ARHGEF28: variants seen among roughly 807,000 people sequenced by gnomAD.
ARHGEF28 encodes Rho guanine nucleotide exchange factor 28.
In ARHGEF28, 152 loss-of-function variants were observed where a neutral mutation model predicts 206.6. The observed-to-expected ratio is 0.74, with a 90% CI of 0.64 to 0.84. The LOEUF is 0.84. Among genes scored for constraint, ARHGEF28 ranks in the 40% least tolerant of loss-of-function variants. ARHGEF28 has a pLI of 0.00. For synonymous variants in ARHGEF28, 763 were observed against 776.4 expected, an observed-to-expected ratio of 0.98 and a Z score of 0.29; for missense variants, 2,028 against 2,073.2, an observed-to-expected ratio of 0.98 and a Z score of 0.42.
rs936184070 is a variant in ARHGEF28, at chr5:73,867,759, G to A, written c.2153-117G>A. 5.2e-6 allele frequency: 7 copies of A among 1,346,908 alleles called. No individual in the cohort carries two copies. The African/African-American group carries it at 8.6e-5, about 17-fold the overall frequency. 83.4% of individuals were successfully genotyped at this position (1,346,908 alleles called of 1,614,324 possible). On this transcript the variant is annotated intron_variant, in intron 18 of 35. Coordinates refer to ENST00000513042, the MANE Select transcript of ARHGEF28 (RefSeq NM_001177693.2). Reference sequence around the variant, plus strand: ...GCAGGGAGACTGGTTTTAAGGCAGAGCATGCATCAGATTACAAGTAGTCAT... The same window carrying A: ...GCAGGGAGACTGGTTTTAAGGCAGAACATGCATCAGATTACAAGTAGTCAT...
intron 7 of ARHGEF28, among the ~76,000 whole-genome samples, chr5:73,781,585 A>G (rs1293639439): frequency 6.6e-6 from 1 of 152,146 alleles, no homozygotes; most frequent in Non-Finnish European, 1.5e-5. Context: ...TAATAAACAG[A>G]AGTTTTCATT....
At chr5:73,674,474 G>C (rs1248848996) in intron 1 of ARHGEF28, among the ~76,000 whole-genome samples, 1 of 152,186 alleles carries the variant, frequency 6.6e-6, no homozygotes, top group East Asian at 1.9e-4. Context: ...AACATGCGAG[G>C]TCCCCTTATC....
In ARHGEF28 at chr5:73,846,447, T is replaced by G. The variant is rs772024433; in HGVS notation, c.1607T>G (p.Leu536Arg). Residue 536 changes from leucine (L) to arginine (R), a missense_variant, in exon 12 of 36, where the codon CTT becomes CGT. By Grantham distance (102) the Leu-to-Arg change is moderately radical. Transcript: ENST00000513042. ...PDFNISRAES[L>R]PLSSNLQSKE... The stretch of plus-strand genomic sequence containing the variant: ...TTTAATATCTCCAGGGCTGAATCCC[T>G]TCCTCTATCAAGTAATCTACAGTCG... 3.1e-6 allele frequency: 5 copies of G among 1,613,932 alleles called. No individual in the cohort carries two copies. In the Admixed American group the frequency reaches 5.0e-5, roughly 16 times the overall value.
At chr5:73,652,061 T>A (rs933736750) in intron 1 of ARHGEF28, among the ~76,000 whole-genome samples, 2 of 152,212 alleles carry the variant, frequency 1.3e-5, no homozygotes, top group African/African-American at 4.8e-5. Flanking sequence ...AAATTGAGGA[T>A]AAAAGTTTTG....
intron 1 of ARHGEF28, among the ~76,000 whole-genome samples, chr5:73,650,439 C>G (rs1230935031): frequency 6.6e-6 from 1 of 151,820 alleles, no homozygotes; most frequent in African/African-American, 2.4e-5. Context: ...CGCATGCCAC[C>G]ACACCCAGCT....
Position 73,632,025 on chromosome 5 carries a change from A to G in ARHGEF28, c.-12+5703A>G, listed in dbSNP as rs144449932. ...ACATCGTGACTGTAGCCCATTAATG[A>G]CAGGGACCCTGATTTAGGCTACTTT... is the stretch of plus-strand genomic sequence containing the variant. On this transcript the variant is annotated intron_variant, in intron 1 of 35. Transcript: ENST00000513042. Among the ~76,000 whole-genome samples the G allele has an allele frequency of 2.9e-3, 441 of 152,286 alleles. 1 individual carries two copies. The highest frequency in any genetic ancestry group is 9.9e-3 in the African/African-American group (413 of 41,542).
intron 35 of ARHGEF28, among the ~76,000 whole-genome samples, chr5:73,924,799 A>G (rs533503020): frequency 6.6e-6 from 1 of 152,306 alleles, no homozygotes; most frequent in East Asian, 1.9e-4. Flanking sequence ...TGCACTGTGA[A>G]TCTGCAGAAT....
intron 26 of ARHGEF28, 77 bp from the exon 27 acceptor site, chr5:73,891,975 T>C (rs1359118744): frequency 7.3e-7 from 1 of 1,369,600 alleles, no homozygotes; most frequent in Non-Finnish European, 9.9e-7. Context: ...TACTCTTGCT[T>C]CCTTTAGCTC....
intron 26 of ARHGEF28, 81 bp from the exon 27 acceptor site, chr5:73,891,971 T>C: frequency 7.5e-7 from 1 of 1,334,302 alleles, no homozygotes; most frequent in East Asian, 2.5e-5. Flanking sequence ...CTAGTACTCT[T>C]GCTTCCTTTA....
intron 4 of ARHGEF28, among the ~76,000 whole-genome samples, chr5:73,762,237 C>A (rs2112424446): frequency 6.6e-6 from 1 of 151,994 alleles, no homozygotes; most frequent in African/African-American, 2.4e-5. Context: ...GGGTGGATCA[C>A]TTGAGGTCAG....
At chr5:73,787,314 A>G (rs1754222490) in intron 7 of ARHGEF28, among the ~76,000 whole-genome samples, 1 of 152,200 alleles carries the variant, frequency 6.6e-6, no homozygotes, top group Non-Finnish European at 1.5e-5. Context: ...TTTTCCTAGA[A>G]GTAGGGTATT....
intron 24 of ARHGEF28, among the ~76,000 whole-genome samples, chr5:73,884,914 C>T (rs958067269): frequency 6.6e-6 from 1 of 152,090 alleles, no homozygotes; most frequent in African/African-American, 2.4e-5. Flanking sequence ...GCTGATTTGT[C>T]CGTTAGCACA....
At chr5:73,692,189 A>G (rs1747873011) in intron 2 of ARHGEF28, among the ~76,000 whole-genome samples, 1 of 152,142 alleles carries the variant, frequency 6.6e-6, no homozygotes, top group Non-Finnish European at 1.5e-5. Context: ...CATTTCTCAA[A>G]TTCTGACTAA....
At chr5:73,800,054 A>G (rs1418074686) in intron 9 of ARHGEF28, among the ~76,000 whole-genome samples, 1 of 152,220 alleles carries the variant, frequency 6.6e-6, no homozygotes, top group Non-Finnish European at 1.5e-5. Context: ...AATGTTCACA[A>G]TAGAAAAATT....
intron 1 of ARHGEF28, among the ~76,000 whole-genome samples, chr5:73,663,832 C>CGA (rs1745774226): frequency 6.6e-6 from 1 of 152,174 alleles, no homozygotes; most frequent in African/African-American, 2.4e-5. Context: ...CTGACTTTCA[C>CGA]AAGTCTGTTT....
At chr5:73,912,591 ATTACT>A (rs999772312) in intron 35 of ARHGEF28, among the ~76,000 whole-genome samples, 2 of 152,224 alleles carry the variant, frequency 1.3e-5, no homozygotes, top group Non-Finnish European at 2.9e-5. Context: ...AATTCTTTAC[ATTACT>A]TAAGTCACCG....
rs1189924292 is a variant in ARHGEF28 at position 73,840,563 on chromosome 5, G to T, written c.1230G>T (p.Trp410Cys). Reference protein sequence around the residue: ...TSPESRGCTLWPQSSKHTLPT... With the variant: ...TSPESRGCTLCPQSSKHTLPT... The stretch of plus-strand genomic sequence containing the variant: ...CTGAATCCAGAGGTTGCACTCTGTG[G>T]CCTCAGAGCAGCAAACACACCCTTC... Residue 410 changes from tryptophan to cysteine, a missense_variant, in exon 11 of 36, where the codon TGG becomes TGT. Around this residue, in one of 3 missense-constraint regions of ARHGEF28, gnomAD observed 1,002 missense variants for 1,015.3 expected, o/e 0.99. Transcript: ENST00000513042. The T allele has an allele frequency of 6.2e-6, 10 of 1,613,952 alleles. No individual in the cohort carries two copies. The highest frequency in any genetic ancestry group is 1.3e-5 in the African/African-American group (1 of 75,034).
chr5:73,886,346 T>C (rs751345930), intron 25 of ARHGEF28, among the ~76,000 whole-genome samples: 1 of 152,264 alleles, frequency 6.6e-6, no homozygotes, highest in Non-Finnish European at 1.5e-5. Flanking sequence ...AAGTTTGTGA[T>C]GTCTGAAATC....
In ARHGEF28 at chr5:73,848,963, TA is replaced by T; in HGVS notation, c.1636-11del. On this transcript the variant is annotated splice_polypyrimidine_tract_variant and intron_variant, in intron 12 of 35. Coordinates refer to ENST00000513042, the MANE Select transcript of ARHGEF28 (RefSeq NM_001177693.2). Reference sequence around the variant, plus strand: ...GTATAAATTTTTAAACACTTTATTATAATCTCTTTTAGGAATCACTGCTTTC... The same window carrying T: ...GTATAAATTTTTAAACACTTTATTATATCTCTTTTAGGAATCACTGCTTTC... The T allele has an allele frequency of 6.6e-7, 1 of 1,509,142 alleles. No homozygotes were observed. Among genetic ancestry groups the T allele is most frequent in the Non-Finnish European group, 9.0e-7 (1 of 1,109,260 alleles). 93.5% of individuals were successfully genotyped at this position (1,509,142 alleles called of 1,614,324 possible).
Sources: allele counts gnomAD v4.1 joint callset (sites outside exome capture counted in the v4.1 genomes callset), GRCh38; gene constraint gnomAD v4.1.1; regional missense constraint gnomAD v4.1.1; transcripts MANE v1.5; gene names NCBI Gene and HGNC (gene_info 2026-07-23, HGNC 2026-07-21).